Variants in GRID2IP observed in about 807,000 individuals in gnomAD.
GRID2IP encodes the protein Grid2 interacting protein.
A neutral mutation model predicts 114.3 loss-of-function variants in GRID2IP; 78 were observed. The observed-to-expected ratio is 0.68, with a 90% CI of 0.57 to 0.82. GRID2IP has a LOEUF of 0.82. Ranked by LOEUF, GRID2IP falls within the 40% of genes least tolerant of loss-of-function variation. GRID2IP has a pLI of 0.00. For synonymous variants in GRID2IP, 809 were observed against 724.0 expected (o/e 1.12, Z -1.89); for missense variants, 1,727 against 1,678.5 (o/e 1.03, Z -0.51).
chr7:6,537,597 C>G (rs999603888), intron 2 of GRID2IP, among the ~76,000 whole-genome samples: 2 of 151,438 alleles, frequency 1.3e-5, no homozygotes, highest in African/African-American at 4.9e-5. Context: ...CCAGGCTAGT[C>G]TCGAACTCCT....
In GRID2IP at chr7:6,508,704, A is replaced by G. The variant is rs1786669158; in HGVS notation, c.2127+254T>C. On this transcript the variant is annotated intron_variant, in intron 12 of 21. Coordinates refer to ENST00000457091, the MANE Select transcript of GRID2IP (RefSeq NM_001145118.2). The surrounding 1 kb of genome is among the most constrained non-coding windows in gnomAD (Gnocchi z 5.6). ...GGGTTAGCCTCAGGCTGTGAGTGGG[A>G]TAGCCTGAGCTAAGGAATGGGCTAA... Among the ~76,000 whole-genome samples, 1 of 152,148 alleles carries G rather than the reference A, an allele frequency of 6.6e-6. No individual in the cohort carries two copies. The highest frequency in any genetic ancestry group is 1.5e-5 in the Non-Finnish European group (1 of 68,008).
At position 6,520,175 on chromosome 7, in the gene GRID2IP, C is replaced by T. The variant is rs1412415302; in HGVS notation, c.1268+403G>A. ...GGGTGTGGTGGTGGGCACCTGTAAT[C>T]CCAGCTACTCGGAGGCTGAGGCAGA... On this transcript the variant is annotated intron_variant, in intron 7 of 21. Coordinates refer to ENST00000457091, the MANE Select transcript of GRID2IP (RefSeq NM_001145118.2). This position sits in a 1 kb window ranked among gnomAD's most constrained non-coding sequence, Gnocchi z 4.6. 6.6e-6 allele frequency among the ~76,000 whole-genome samples: 1 copy of T among 152,104 alleles called. No homozygotes were observed. The highest frequency in any genetic ancestry group is 1.5e-5 in the Non-Finnish European group (1 of 68,026).
At chr7:6,505,935 T>TAGG in intron 13 of GRID2IP, 28 bp from the exon 14 acceptor site, 1 of 1,475,468 alleles carries the variant, frequency 6.8e-7, no homozygotes, top group South Asian at 1.2e-5. Context: ...AGGTTCAGAG[T>TAGG]AGGAGGAGCA....
chr7:6,526,435 C>G lies in GRID2IP; in HGVS notation c.833+86G>C. ...CCCTATGCACCCCAGATGCCCAGCC[C>G]CGCCCCTACGCCCTCTCCCCGGGTC... is the stretch of plus-strand genomic sequence containing the variant. On this transcript the variant is annotated intron_variant, in intron 3 of 21. Coordinates refer to ENST00000457091, the MANE Select transcript of GRID2IP (RefSeq NM_001145118.2). The surrounding 1 kb of genome is among the most constrained non-coding windows in gnomAD (Gnocchi z 7.6). 6.7e-7 allele frequency: 1 copy of G among 1,497,110 alleles called. No homozygotes were observed. The highest frequency in any genetic ancestry group is 1.3e-5 in the South Asian group (1 of 79,150). The allele number at this position is 1,497,110 out of a possible 1,614,324, so 92.7% of individuals were successfully genotyped here.
Position 6,551,097 on chromosome 7 carries a change from C to G in GRID2IP, c.340G>C (p.Gly114Arg), listed in dbSNP as rs1399052061. 3.0e-6 allele frequency: 4 copies of G among 1,314,286 alleles called. No individual in the cohort carries two copies. Among genetic ancestry groups the G allele is most frequent in the Non-Finnish European group, 3.9e-6 (4 of 1,036,462 alleles). 81.4% of individuals were successfully genotyped at this position (1,314,286 alleles called of 1,614,324 possible). The change falls in exon 1 of 22, where the codon GGC becomes CGC. Residue 114 changes from glycine to arginine, a missense_variant. By Grantham distance (125) the Gly-to-Arg change is moderately radical. Coordinates refer to ENST00000457091, the MANE Select transcript of GRID2IP (RefSeq NM_001145118.2). ...APRCGRGLAL[G>R]RELLRLAGRK... ...CCGGCCAGGCGAAGCAGCTCACGGC[C>G]CAGAGCTAGGCCGCGGCCGCACCGC...
intron 1 of GRID2IP, among the ~76,000 whole-genome samples, chr7:6,541,072 A>T (rs1467340250): frequency 3.3e-5 from 5 of 151,266 alleles, no homozygotes; most frequent in Non-Finnish European, 4.4e-5. Context: ...TTCTATAGAG[A>T]TGGAGTCTTG....
chr7:6,497,653 G>A lies in GRID2IP; in HGVS notation c.*121C>T, dbSNP rs1786291926. 5.9e-6 allele frequency: 4 copies of A among 672,632 alleles called. No homozygotes were observed. The highest frequency in any genetic ancestry group is 9.8e-6 in the Non-Finnish European group (4 of 408,102). 41.7% of individuals were successfully genotyped at this position (672,632 alleles called of 1,614,324 possible). ...AGCTCGGCGGCTGAGGTAGCTGCAG[G>A]AGAGGCTGGCGGTGTGCTCAGAGCC... is the stretch of plus-strand genomic sequence containing the variant. On this transcript the variant is annotated 3_prime_UTR_variant, in exon 22 of 22. Transcript: ENST00000457091.
intron 20 of GRID2IP, among the ~76,000 whole-genome samples, chr7:6,500,416 A>G (rs1786380336): frequency 6.6e-6 from 1 of 152,204 alleles, no homozygotes; most frequent in African/African-American, 2.4e-5. Context: ...GTGAGCCGAG[A>G]TCGCACCATT....
chr7:6,536,104 C>T lies in GRID2IP; in HGVS notation c.584+3614G>A, dbSNP rs773142408. On this transcript the variant is annotated intron_variant, in intron 2 of 21. Coordinates refer to ENST00000457091, the MANE Select transcript of GRID2IP (RefSeq NM_001145118.2). This position sits in a 1 kb window ranked among gnomAD's most constrained non-coding sequence, Gnocchi z 5.3. ...TCCAGATGGGGCTGCCCAGAGATCG[C>T]TGCCACCCTAGAGGCCAGCACACTA... 6.6e-6 allele frequency among the ~76,000 whole-genome samples: 1 copy of T among 152,202 alleles called. No homozygotes were observed. The highest frequency in any genetic ancestry group is 1.5e-5 in the Non-Finnish European group (1 of 68,034).
At chr7:6,550,549 G>A (rs1279591897) in intron 1 of GRID2IP, among the ~76,000 whole-genome samples, 1 of 151,446 alleles carries the variant, frequency 6.6e-6, no homozygotes, top group African/African-American at 2.4e-5. Flanking sequence ...AGTGGCTCAT[G>A]CCTGTAATCC....
intron 20 of GRID2IP, 107 bp downstream of exon 20, chr7:6,501,674 A>T: frequency 1.3e-6 from 1 of 783,838 alleles, no homozygotes. Context: ...TGTGTCCAGA[A>T]TCTCTGCTGG....
At chr7:6,524,371 C>T (rs75352415) in intron 4 of GRID2IP, among the ~76,000 whole-genome samples, 1,738 of 152,222 alleles carry the variant, frequency 0.011, 32 homozygotes, top group African/African-American at 0.04. Flanking sequence ...TGGGAGGGGA[C>T]GGATGCAGGA....
At chr7:6,543,758 C>T (rs111800344) in intron 1 of GRID2IP, among the ~76,000 whole-genome samples, 141 of 151,646 alleles carry the variant, frequency 9.3e-4, no homozygotes, top group African/African-American at 3.1e-3. Context: ...CACAGGTGCA[C>T]GCCACTGTGC....
chr7:6,509,180 G>T lies in GRID2IP; in HGVS notation c.1905C>A (p.Ser635Arg). Residue 635 changes from serine to arginine, a missense_variant, in exon 12 of 22, where the codon AGC becomes AGA. Transcript: ENST00000457091. This position sits in a 1 kb window ranked among gnomAD's most constrained non-coding sequence, Gnocchi z 4.9. ...SESHPYASLD[S>R]SRAPSPQPGP... ...CTGGCTGTGGGGAGGGTGCCCTGCT[G>T]CTGTCCAGGCTGGCGTAGGGGTGGG... 2 of 1,475,608 alleles carry T rather than the reference G, an allele frequency of 1.4e-6. No homozygotes were observed. Among genetic ancestry groups the T allele is most frequent in the Middle Eastern group, 2.4e-4 (1 of 4,126 alleles). The allele number at this position is 1,475,608 out of a possible 1,614,324, so 91.4% of individuals were successfully genotyped here. A position where few individuals can be genotyped will look rare whatever the true frequency, so the allele number is the denominator to read the frequency against.
rs549203751 is a variant in GRID2IP, at chr7:6,505,911, C to T, written c.2545-4G>A. 9 of 1,548,546 alleles carry T rather than the reference C, an allele frequency of 5.8e-6. No homozygotes were observed. Among genetic ancestry groups the T allele is most frequent in the South Asian group, 3.6e-5 (3 of 83,992 alleles). ...CGTAGTCAGAGTCTTCCCCGAGCTG[C>T]GAGGGAGGATGGGAGGTTCAGAGTA... On this transcript the variant is annotated splice_region_variant and splice_polypyrimidine_tract_variant and intron_variant, in intron 13 of 21. Transcript: ENST00000457091.
chr7:6,503,237 GGGA>G, intron 16 of GRID2IP, 74 bp from the exon 17 acceptor site: 1 of 1,247,154 alleles, frequency 8.0e-7, no homozygotes, highest in Non-Finnish European at 1.1e-6. Flanking sequence ...GCTTTGGGGT[GGGA>G]GGGGGGGATC....
chr7:6,540,710 T>TTTA (rs1554277807), intron 1 of GRID2IP, among the ~76,000 whole-genome samples: 1 of 148,510 alleles, frequency 6.7e-6, no homozygotes, highest in Non-Finnish European at 1.5e-5. Context: ...TTTTTTTTTT[T>TTTA]AGTAGAGATG....
chr7:6,517,631 C>T (rs76707454), intron 7 of GRID2IP, among the ~76,000 whole-genome samples: 2,467 of 152,100 alleles, frequency 0.016, 42 homozygotes, highest in Non-Finnish European at 0.022. Context: ...GGTGTCCAGC[C>T]GTCGTGGCTC....
intron 8 of GRID2IP, among the ~76,000 whole-genome samples, chr7:6,513,704 T>C (rs1330447006): frequency 6.6e-6 from 1 of 152,160 alleles, no homozygotes; most frequent in East Asian, 1.9e-4. Flanking sequence ...TGGGGCCACG[T>C]GTGGGCCTAG....
Sources: gnomAD v4.1 joint callset for allele counts (sites outside exome capture counted in the v4.1 genomes callset) on GRCh38, gnomAD v4.1.1 for gene constraint, Gnocchi (gnomAD v3.1) non-coding constraint, MANE v1.5 for transcripts, NCBI Gene and HGNC (gene_info 2026-07-23, HGNC 2026-07-21) for gene names.